The following IRAK2 variants were observed in gnomAD, a reference collection of about 807,000 sequenced individuals.
IRAK2 encodes interleukin-1 receptor-associated kinase-like 2.
IRAK2 carries 57 observed loss-of-function variants against 72.0 expected under a neutral mutation model. That is an observed-to-expected ratio of 0.79 (90% CI 0.64 to 0.99). The LOEUF is 0.99. IRAK2 is among the 50% of genes least tolerant of loss of function. The pLI, the probability that IRAK2 is intolerant of heterozygous loss-of-function variation, is 0.00. For missense variants in IRAK2, 790 were observed against 794.4 expected (o/e 0.99, Z 0.07); for synonymous variants, 293 against 312.7 (o/e 0.94, Z 0.67).
At chr3:10,235,940 C>T (rs1160717680) in intron 11 of IRAK2, among the ~76,000 whole-genome samples, 1 of 152,078 alleles carries the variant, frequency 6.6e-6, no homozygotes, top group African/African-American at 2.4e-5. Context: ...CCATGTGCCC[C>T]GATGTTCAGT....
rs140903779 is a variant in IRAK2 at position 10,200,367 on chromosome 3, A to G, written c.278-2A>G. On this transcript the variant is annotated splice_acceptor_variant, in intron 2 of 12. Transcript: ENST00000256458. LOFTEE classifies it high-confidence loss of function. ...ATAACTTTCTTTCCACCTTGTTTTC[A>G]GGGAAACCGGCTCCTGAAATCAGGT... 4.4e-4 allele frequency: 692 copies of G among 1,580,036 alleles called. No individual in the cohort carries two copies. The highest frequency in any genetic ancestry group is 5.7e-4 in the Non-Finnish European group (663 of 1,159,682).
intron 1 of IRAK2, among the ~76,000 whole-genome samples, chr3:10,165,270 GCCA>G (rs932111175): frequency 3.3e-5 from 5 of 152,186 alleles, no homozygotes; most frequent in African/African-American, 1.2e-4. Context: ...AGGGGCCGCC[GCCA>G]CTGCGCTCTG....
intron 1 of IRAK2, 103 bp from the exon 2 acceptor site, chr3:10,177,735 G>T: frequency 8.9e-7 from 1 of 1,125,550 alleles, no homozygotes; most frequent in Non-Finnish European, 1.3e-6. Flanking sequence ...GGCGGTGGTT[G>T]GGGAGGATGT....
At chr3:10,177,315 C>T (rs1696891833) in intron 1 of IRAK2, among the ~76,000 whole-genome samples, 1 of 152,162 alleles carries the variant, frequency 6.6e-6, no homozygotes, top group Non-Finnish European at 1.5e-5. Flanking sequence ...TGTAAGGAGG[C>T]GCTGATGCTC....
At chr3:10,188,453 A>T (rs1416842420) in intron 2 of IRAK2, among the ~76,000 whole-genome samples, 1 of 149,826 alleles carries the variant, frequency 6.7e-6, no homozygotes, top group Non-Finnish European at 1.5e-5. Context: ...TTGTGCCTCA[A>T]CCTCTGAGTA....
intron 11 of IRAK2, among the ~76,000 whole-genome samples, chr3:10,237,094 G>A (rs537395775): frequency 2.2e-4 from 34 of 152,314 alleles, no homozygotes; most frequent in African/African-American, 8.2e-4. Context: ...ACCTGGAAAT[G>A]CATCACTTTT....
At chr3:10,171,047 G>T (rs1211950743) in intron 1 of IRAK2, among the ~76,000 whole-genome samples, 1 of 152,210 alleles carries the variant, frequency 6.6e-6, no homozygotes, top group Non-Finnish European at 1.5e-5. Flanking sequence ...AGACAGCCAC[G>T]CTCTTTCAGA....
At chr3:10,242,020 G>A in intron 12 of IRAK2, 96 bp from the exon 13 acceptor site, 1 of 673,578 alleles carries the variant, frequency 1.5e-6, no homozygotes. Flanking sequence ...TTACACTCAG[G>A]GCCTGATTCA....
chr3:10,169,525 C>T (rs535826525), intron 1 of IRAK2, among the ~76,000 whole-genome samples: 89 of 152,312 alleles, frequency 5.8e-4, no homozygotes, highest in African/African-American at 2.0e-3. Flanking sequence ...CCTACTCACA[C>T]GTCCATCTAT....
Position 10,204,290 on chromosome 3 carries a change from C to T in IRAK2, c.424+3775C>T, listed in dbSNP as rs193271490. Among the ~76,000 whole-genome samples, 27 of 152,270 alleles carry T rather than the reference C, an allele frequency of 1.8e-4. No homozygotes were observed. In the South Asian group the frequency reaches 4.4e-3, roughly 25 times the overall value. On this transcript the variant is annotated intron_variant, in intron 3 of 12. Coordinates refer to ENST00000256458, the MANE Select transcript of IRAK2 (RefSeq NM_001570.4). ...AGATCTTGAGTAGTGCTGGAGCCAG[C>T]GCTTGAGCCAAATTCTGTTTGATAC... is the stretch of plus-strand genomic sequence containing the variant.
intron 10 of IRAK2, among the ~76,000 whole-genome samples, chr3:10,229,530 C>T (rs1456419840): frequency 6.6e-6 from 1 of 152,210 alleles, no homozygotes; most frequent in East Asian, 1.9e-4. Context: ...AATTACTCAT[C>T]TAATTTCTGT....
Position 10,237,929 on chromosome 3 carries a change from CTGTGTGTGTG to C in IRAK2, c.1474-790_1474-781del, listed in dbSNP as rs138639711. Among the ~76,000 whole-genome samples the C allele has an allele frequency of 1.9e-4, 26 of 138,330 alleles. 1 individual carries two copies. The highest frequency in any genetic ancestry group is 3.5e-3 in the Middle Eastern group (1 of 286). 90.7% of individuals were successfully genotyped at this position (138,330 alleles called of 152,430 possible). On this transcript the variant is annotated intron_variant, in intron 11 of 12. Transcript: ENST00000256458. ...GGGTATAAGGGTATGTATGTGTGCT[CTGTGTGTGTG>C]TGTGTGTGTGTGTGTGTGTGTGTGT...
At chr3:10,213,594 T>C (rs1370203831) in intron 6 of IRAK2, 46 bp downstream of exon 6, 1 of 1,432,500 alleles carries the variant, frequency 7.0e-7, no homozygotes, top group Non-Finnish European at 9.9e-7. Flanking sequence ...AACCTTTATA[T>C]AGTGCTTCCT....
At position 10,242,326 on chromosome 3, in the gene IRAK2, C is replaced by A; in HGVS notation, c.*98C>A. The A allele has an allele frequency of 1.5e-6, 1 of 666,168 alleles. No individual in the cohort carries two copies. The highest frequency in any genetic ancestry group is 2.6e-6 in the Non-Finnish European group (1 of 386,904). 41.3% of individuals were successfully genotyped at this position (666,168 alleles called of 1,614,324 possible). Reference sequence around the variant, plus strand: ...GCAGAATCCAAGATCTGCCAGGAAACACACAACAAAACATCTGCTGTCCTG... The same window carrying A: ...GCAGAATCCAAGATCTGCCAGGAAAAACACAACAAAACATCTGCTGTCCTG... On this transcript the variant is annotated 3_prime_UTR_variant, in exon 13 of 13. Transcript: ENST00000256458.
intron 1 of IRAK2, among the ~76,000 whole-genome samples, chr3:10,165,721 A>ATTTTTTTT (rs34176794): frequency 3.9e-5 from 3 of 76,776 alleles, no homozygotes; most frequent in African/African-American, 1.0e-4. Context: ...GTCTTGAACT[A>ATTTTTTTT]TTTTTTTTTT....
intron 2 of IRAK2, among the ~76,000 whole-genome samples, chr3:10,199,071 G>A (rs1697315151): frequency 6.6e-6 from 1 of 152,096 alleles, no homozygotes; most frequent in South Asian, 2.1e-4. Flanking sequence ...GCTTCAAGCA[G>A]GGAAGTGACG....
At position 10,242,328 on chromosome 3, in the gene IRAK2, C is replaced by A; in HGVS notation, c.*100C>A. On this transcript the variant is annotated 3_prime_UTR_variant, in exon 13 of 13. Coordinates refer to ENST00000256458, the MANE Select transcript of IRAK2 (RefSeq NM_001570.4). Reference sequence around the variant, plus strand: ...AGAATCCAAGATCTGCCAGGAAACACACAACAAAACATCTGCTGTCCTGGG... The same window carrying A: ...AGAATCCAAGATCTGCCAGGAAACAAACAACAAAACATCTGCTGTCCTGGG... The A allele has an allele frequency of 1.6e-6, 1 of 645,026 alleles. No individual in the cohort carries two copies. The allele number at this position is 645,026 out of a possible 1,614,324, so 40.0% of individuals were successfully genotyped here. A position where few individuals can be genotyped will look rare whatever the true frequency, so the allele number is the denominator to read the frequency against.
chr3:10,203,216 T>C (rs1370140127), intron 3 of IRAK2, among the ~76,000 whole-genome samples: 3 of 151,216 alleles, frequency 2.0e-5, no homozygotes, highest in Non-Finnish European at 4.4e-5. Context: ...AGGCTGGTCT[T>C]GAACTCCTGG....
chr3:10,181,251 C>T (rs1483856694), intron 2 of IRAK2, among the ~76,000 whole-genome samples: 1 of 152,064 alleles, frequency 6.6e-6, no homozygotes, highest in Non-Finnish European at 1.5e-5. Flanking sequence ...GCTGCCGTTC[C>T]TCTCCTTACA....
Sources: allele counts gnomAD v4.1 joint callset (sites outside exome capture counted in the v4.1 genomes callset), GRCh38; gene constraint gnomAD v4.1.1; transcripts MANE v1.5; gene names NCBI Gene and HGNC (gene_info 2026-07-23, HGNC 2026-07-21).